DYTN: variants seen among roughly 807,000 people sequenced by gnomAD.
The protein encoded by DYTN is dystrotelin.
In DYTN, 75 loss-of-function variants were observed where a neutral mutation model predicts 69.6. The ratio of observed to expected loss-of-function variants is 1.08; its 90% CI spans 0.89 to 1.31. DYTN has a LOEUF of 1.31. Among genes scored for constraint, DYTN ranks in the 50% most tolerant of loss-of-function variants. The probability of loss-of-function intolerance (pLI) is 0.00; values close to 1 mark genes in which losing one functional copy is unlikely to be tolerated. For synonymous variants in DYTN, 252 were observed against 249.1 expected (o/e 1.01, Z -0.11); for missense variants, 726 against 688.4 (o/e 1.05, Z -0.61).
At chr2:206,678,719 G>A (rs1044200374) in intron 9 of DYTN, among the ~76,000 whole-genome samples, 23 of 152,102 alleles carry the variant, frequency 1.5e-4, no homozygotes, top group African/African-American at 5.3e-4. Flanking sequence ...ATTTTAAAAT[G>A]TTTATAGGAA....
At chr2:206,683,331 T>C (rs1052970017) in intron 9 of DYTN, among the ~76,000 whole-genome samples, 5 of 144,516 alleles carry the variant, frequency 3.5e-5, no homozygotes, top group South Asian at 2.2e-4. Flanking sequence ...CTCTTCTTTT[T>C]ACTTTTTCTT....
Position 206,704,933 on chromosome 2 carries a change from T to C in DYTN, c.393A>G (p.Gln131=), listed in dbSNP as rs539863272. The change falls in exon 5 of 12, where the codon CAA becomes CAG. Residue 131 remains glutamine, a synonymous_variant. Coordinates refer to ENST00000452335, the MANE Select transcript of DYTN (RefSeq NM_001093730.1). ...SPLSKYRALF[Q]LYAENSRGGY... is the part of the protein sequence containing the mutation. ...CTCCCCTGCTATTTTCTGCATAGAG[T>C]TGAAAAAGAGCTAGACATGTAGGAG... The C allele has an allele frequency of 2.4e-5, 38 of 1,613,430 alleles. No homozygotes were observed. In the African/African-American group the frequency reaches 3.3e-4, roughly 14 times the overall value.
intron 9 of DYTN, among the ~76,000 whole-genome samples, chr2:206,685,622 G>A (rs1196825018): frequency 1.3e-5 from 2 of 152,068 alleles, no homozygotes; most frequent in Non-Finnish European, 2.9e-5. Context: ...GATAAAACAG[G>A]TCCCTCAGGT....
At chr2:206,675,829 T>G (rs13396374) in intron 9 of DYTN, among the ~76,000 whole-genome samples, 21,230 of 152,054 alleles carry the variant, frequency 0.14, 2,472 homozygotes, top group African/African-American at 0.32. Context: ...ACATGAAAAA[T>G]AACTCATCAT....
rs375063110 is a variant in DYTN at position 206,665,945 on chromosome 2, T to C, written c.1065A>G (p.Glu355=). 1 of 1,613,852 alleles carries C rather than the reference T, an allele frequency of 6.2e-7. No individual in the cohort carries two copies. Among genetic ancestry groups the C allele is most frequent in the African/African-American group, 1.3e-5 (1 of 74,914 alleles). ...TGGTTTTGAGTTTGTGAATCCTTGT[T>C]TCAAATCGACAAATTCTTTCTTCCT... ...TSQEERICRF[E]TRIHKLKTNQ... Residue 355 remains glutamate, a synonymous_variant, in exon 10 of 12, where the codon GAA becomes GAG. Transcript: ENST00000452335.
At chr2:206,669,250 A>T (rs1027488629) in intron 9 of DYTN, among the ~76,000 whole-genome samples, 12 of 152,272 alleles carry the variant, frequency 7.9e-5, no homozygotes, top group Non-Finnish European at 1.6e-4. Flanking sequence ...CTACTTGTGC[A>T]CATGGGCCTC....
chr2:206,693,516 T>C (rs1699887048), intron 8 of DYTN, among the ~76,000 whole-genome samples, 193 bp from the exon 9 acceptor site: 1 of 152,156 alleles, frequency 6.6e-6, no homozygotes, highest in Non-Finnish European at 1.5e-5. Context: ...GTCTCCAAAT[T>C]AAACACCCCA....
chr2:206,691,823 A>G (rs771911709), intron 9 of DYTN, among the ~76,000 whole-genome samples: 21 of 152,214 alleles, frequency 1.4e-4, no homozygotes, highest in Admixed American at 1.2e-3. Flanking sequence ...CCACAGAAAT[A>G]GGGGTCTGGG....
At chr2:206,661,059 T>C (rs919424363) in intron 11 of DYTN, among the ~76,000 whole-genome samples, 22 of 151,936 alleles carry the variant, frequency 1.4e-4, no homozygotes, top group African/African-American at 5.1e-4. Context: ...GGTGTCCTTA[T>C]AAAAAGAAAA....
intron 9 of DYTN, among the ~76,000 whole-genome samples, chr2:206,666,896 C>CACACACACAA (rs1553572121): frequency 7.0e-6 from 1 of 143,298 alleles, no homozygotes; most frequent in African/African-American, 2.6e-5. Flanking sequence ...CACACACACA[C>CACACACACAA]AAATTAGCTG....
intron 5 of DYTN, 84 bp downstream of exon 5, chr2:206,704,759 A>T (rs1353476503): frequency 8.5e-7 from 1 of 1,171,354 alleles, no homozygotes; most frequent in Admixed American, 2.0e-5. Context: ...GATAGACTTG[A>T]CACTGGAGAC....
chr2:206,692,492 T>C (rs74657534), intron 9 of DYTN, among the ~76,000 whole-genome samples: 12,492 of 152,204 alleles, frequency 0.082, 805 homozygotes, highest in East Asian at 0.21. Flanking sequence ...TTTTATTCAA[T>C]GATTTTCATT....
rs978125378 is a variant in DYTN, at chr2:206,693,245, C to T, written c.910G>A (p.Glu304Lys). The T allele has an allele frequency of 6.2e-7, 1 of 1,613,724 alleles. No homozygotes were observed. Among genetic ancestry groups the T allele is most frequent in the Non-Finnish European group, 8.5e-7 (1 of 1,179,884 alleles). Residue 304 changes from glutamate to lysine, a missense_variant, in exon 9 of 12, where the codon GAA (glutamate) becomes AAA (lysine). By Grantham distance (56) the Glu-to-Lys change is moderately conservative. Coordinates refer to ENST00000452335, the MANE Select transcript of DYTN (RefSeq NM_001093730.1). ...NLLQGRCRKK[E>K]AARRQQLLDQ... Reference sequence around the variant, plus strand: ...AGCAGCTGCTGCCTTCTCGCTGCTTCTTTCTTCCTACAGCGCCCCTGAAGA... The same window carrying T: ...AGCAGCTGCTGCCTTCTCGCTGCTTTTTTCTTCCTACAGCGCCCCTGAAGA...
At chr2:206,695,850 C>T (rs1259414674) in intron 7 of DYTN, among the ~76,000 whole-genome samples, 1 of 152,220 alleles carries the variant, frequency 6.6e-6, no homozygotes, top group Non-Finnish European at 1.5e-5. Flanking sequence ...ACATACAGTT[C>T]TGAGCTAGCT....
chr2:206,675,115 A>ATATGTG (rs1553573104), intron 9 of DYTN, among the ~76,000 whole-genome samples: 7 of 131,532 alleles, frequency 5.3e-5, no homozygotes, highest in East Asian at 2.1e-4. Context: ...ATATATATAT[A>ATATGTG]TGTGTGTGTG....
At chr2:206,716,377 C>G (rs4675627) in intron 1 of DYTN, among the ~76,000 whole-genome samples, 60,591 of 151,936 alleles carry the variant, frequency 0.4, 14,434 homozygotes, top group East Asian at 0.8. Context: ...AATGTATATC[C>G]ATCCAACAGT....
At chr2:206,664,615 T>A (rs1337912604) in intron 10 of DYTN, among the ~76,000 whole-genome samples, 1 of 152,160 alleles carries the variant, frequency 6.6e-6, no homozygotes, top group East Asian at 1.9e-4. Flanking sequence ...TGAGTTATGA[T>A]CCTGCCACTG....
intron 5 of DYTN, among the ~76,000 whole-genome samples, chr2:206,704,608 A>C (rs1700006898): frequency 6.6e-6 from 1 of 152,244 alleles, no homozygotes; most frequent in South Asian, 2.1e-4. Flanking sequence ...ATTCTTATCT[A>C]TAGACAACAT....
intron 5 of DYTN, among the ~76,000 whole-genome samples, chr2:206,704,480 T>C (rs1288946170): frequency 6.6e-6 from 1 of 152,196 alleles, no homozygotes; most frequent in African/African-American, 2.4e-5. Flanking sequence ...CTATTGGATA[T>C]GTTTTCAGTG....
Sources: allele counts gnomAD v4.1 joint callset (sites outside exome capture counted in the v4.1 genomes callset), GRCh38; gene constraint gnomAD v4.1.1; transcripts MANE v1.5; gene names NCBI Gene and HGNC (gene_info 2026-07-23, HGNC 2026-07-21).